Variants in PRSS38 observed in about 807,000 individuals in gnomAD.
PRSS38 encodes the protein marapsin 2.
A neutral mutation model predicts 26.8 loss-of-function variants in PRSS38; 22 were observed. The ratio of observed to expected loss-of-function variants is 0.82; its 90% confidence interval spans 0.59 to 1.17. PRSS38 has a LOEUF of 1.17. Ranked by LOEUF, PRSS38 falls within the 50% of genes most tolerant of loss-of-function variation. The pLI is 0.00. For synonymous variants in PRSS38, 175 were observed against 172.1 expected, an observed-to-expected ratio of 1.02 and a Z score of -0.13; for missense variants, 427 against 422.7, an observed-to-expected ratio of 1.01 and a Z score of -0.09.
chr1:227,844,820 C>A (rs558444205), intron 3 of PRSS38, among the ~76,000 whole-genome samples: 64 of 150,206 alleles, frequency 4.3e-4, no homozygotes, highest in Non-Finnish European at 8.7e-4. Context: ...TGGGACTCCT[C>A]ACCATGGGCA....
At chr1:227,841,562 C>T (rs1452228333) in intron 3 of PRSS38, among the ~76,000 whole-genome samples, 2 of 152,206 alleles carry the variant, frequency 1.3e-5, no homozygotes, top group Non-Finnish European at 1.5e-5. Context: ...TCTTTAACCC[C>T]TTATACTTTT....
At chr1:227,834,088 C>T (rs1184494675) in intron 3 of PRSS38, among the ~76,000 whole-genome samples, 1 of 152,018 alleles carries the variant, frequency 6.6e-6, no homozygotes, top group Admixed American at 6.5e-5. Flanking sequence ...GAGCCATGCA[C>T]CTGCCAGCCA....
chr1:227,845,453 G>C lies in PRSS38; in HGVS notation c.584-17G>C. 1 of 1,601,626 alleles carries C rather than the reference G, an allele frequency of 6.2e-7. No homozygotes were observed. Among genetic ancestry groups the C allele is most frequent in the Non-Finnish European group, 8.5e-7 (1 of 1,175,864 alleles). ...CGAAGCAGGTGCTGCCCCCTCACGG[G>C]AGCCCTCCTCCCACAGGTGAGACCT... is the stretch of plus-strand genomic sequence containing the variant. On this transcript the variant is annotated splice_polypyrimidine_tract_variant and intron_variant, in intron 3 of 4. Coordinates refer to ENST00000366757, the Ensembl canonical transcript of PRSS38.
intron 3 of PRSS38, among the ~76,000 whole-genome samples, chr1:227,842,932 C>T (rs1665360368): frequency 6.6e-6 from 1 of 152,172 alleles, no homozygotes; most frequent in Non-Finnish European, 1.5e-5. Context: ...TAAGTATATC[C>T]ATGGATTCCC....
chr1:227,844,411 G>A (rs1665383796), intron 3 of PRSS38, among the ~76,000 whole-genome samples: 1 of 152,068 alleles, frequency 6.6e-6, no homozygotes, highest in South Asian at 2.1e-4. Context: ...TCCTCTGAGT[G>A]GTCAGGGTTC....
At chr1:227,831,327 C>T (rs1224783864) in intron 3 of PRSS38, among the ~76,000 whole-genome samples, 1 of 152,020 alleles carries the variant, frequency 6.6e-6, no homozygotes, top group East Asian at 1.9e-4. Context: ...AATAAAATTT[C>T]TTCCCATTGT....
intron 3 of PRSS38, among the ~76,000 whole-genome samples, chr1:227,833,618 A>G (rs959795380): frequency 7.2e-5 from 11 of 152,204 alleles, no homozygotes; most frequent in Non-Finnish European, 1.2e-4. Flanking sequence ...GTTATGGCAT[A>G]AGGAGAGATA....
chr1:227,842,828 C>T (rs551235824), intron 3 of PRSS38, among the ~76,000 whole-genome samples: 16 of 152,278 alleles, frequency 1.1e-4, no homozygotes, highest in Non-Finnish European at 2.1e-4. Flanking sequence ...CCACCTGCCT[C>T]GGCCTCCCAA....
exon 5 of PRSS38, chr1:227,846,312 C>A: frequency 2.1e-6 from 3 of 1,407,012 alleles, no homozygotes; most frequent in African/African-American, 1.4e-5. Flanking sequence ...CTGAAGCAGA[C>A]AAGGGCCACC....
chr1:227,837,894 T>C lies in PRSS38; in HGVS notation c.584-7576T>C, dbSNP rs76265232. Among the ~76,000 whole-genome samples, 1,442 of 152,312 alleles carry C rather than the reference T, an allele frequency of 9.5e-3. 20 individuals are homozygous for C. Among genetic ancestry groups the C allele is most frequent in the African/African-American group, 0.033 (1,373 of 41,574 alleles). The stretch of plus-strand genomic sequence containing the variant: ...GTATTGCAAATATTTTCTACCGCAC[T>C]GGCTTGGTTTGTAATTTTCTTTTTT... On this transcript the variant is annotated intron_variant, in intron 3 of 4. Coordinates refer to ENST00000366757, the Ensembl canonical transcript of PRSS38.
intron 3 of PRSS38, among the ~76,000 whole-genome samples, chr1:227,826,541 C>T (rs1258036776): frequency 1.3e-5 from 2 of 152,058 alleles, no homozygotes; most frequent in East Asian, 3.9e-4. Flanking sequence ...ACGGTGAAAC[C>T]CCATCTCTAC....
At chr1:227,815,859 G>T in exon 1 of PRSS38, 1 of 1,605,064 alleles carries the variant, frequency 6.2e-7, no homozygotes, top group Non-Finnish European at 8.5e-7. Flanking sequence ...CTAACTGGCA[G>T]CGTGGGTAGG....
intron 3 of PRSS38, among the ~76,000 whole-genome samples, chr1:227,824,315 A>G (rs185295319): frequency 6.6e-6 from 1 of 152,168 alleles, no homozygotes; most frequent in Non-Finnish European, 1.5e-5. Context: ...GAGTGAGAAC[A>G]TGTGATGTTT....
At chr1:227,831,909 C>T (rs532717219) in intron 3 of PRSS38, among the ~76,000 whole-genome samples, 3 of 152,162 alleles carry the variant, frequency 2.0e-5, no homozygotes, top group African/African-American at 7.2e-5. Flanking sequence ...GTACTAAAAT[C>T]TCTATGACTG....
At chr1:227,820,035 G>A (rs1282426108) in intron 3 of PRSS38, among the ~76,000 whole-genome samples, 1 of 140,876 alleles carries the variant, frequency 7.1e-6, no homozygotes, top group Non-Finnish European at 1.5e-5. Flanking sequence ...GTTGCAGTGA[G>A]CTGAGATCAC....
chr1:227,824,334 G>T (rs1456210908), intron 3 of PRSS38, among the ~76,000 whole-genome samples: 1 of 152,070 alleles, frequency 6.6e-6, no homozygotes, highest in Non-Finnish European at 1.5e-5. Flanking sequence ...TTGCTTTTCT[G>T]TTCCTGCGTT....
At chr1:227,825,595 A>G (rs759878469) in intron 3 of PRSS38, among the ~76,000 whole-genome samples, 3 of 152,216 alleles carry the variant, frequency 2.0e-5, no homozygotes, top group Non-Finnish European at 2.9e-5. Context: ...CTTTCTGCAT[A>G]TGGCTAGCTA....
At chr1:227,844,724 G>C (rs1665392268) in intron 3 of PRSS38, among the ~76,000 whole-genome samples, 1 of 149,064 alleles carries the variant, frequency 6.7e-6, no homozygotes, top group Non-Finnish European at 1.5e-5. Flanking sequence ...CTGTGTGATG[G>C]AGCTCCTCCC....
At position 227,823,634 on chromosome 1, in the gene PRSS38, G is replaced by T. The variant is rs182043727; in HGVS notation, c.583+6154G>T. On this transcript the variant is annotated intron_variant, in intron 3 of 4. Transcript: ENST00000366757. ...TGAATTCTTGCTCCATTTGGTTTGT[G>T]CAAAAGCTGGACTAATGTTTAAGAG... Among the ~76,000 whole-genome samples, 279 of 152,200 alleles carry T rather than the reference G, an allele frequency of 1.8e-3. 1 individual carries two copies. Among genetic ancestry groups the T allele is most frequent in the African/African-American group, 6.5e-3 (269 of 41,538 alleles).
Sources: gnomAD v4.1 joint callset for allele counts (sites outside exome capture counted in the v4.1 genomes callset) on GRCh38, gnomAD v4.1.1 for gene constraint, MANE v1.5 for transcripts, NCBI Gene and HGNC (gene_info 2026-07-23, HGNC 2026-07-21) for gene names.